The following KIF17 variants were observed in gnomAD, a reference collection of about 807,000 sequenced individuals.
KIF17 encodes kinesin family member 17.
A neutral mutation model predicts 96.8 loss-of-function variants in KIF17; 80 were observed. That is an observed-to-expected ratio of 0.83 (90% CI 0.69 to 1.00). The LOEUF (loss-of-function observed/expected upper bound fraction) is 1.00, where lower values mean the gene tolerates loss of function less well. Among genes scored for constraint, KIF17 ranks in the 50% least tolerant of loss-of-function variants. The probability of loss-of-function intolerance (pLI) is 0.00; values close to 1 mark genes in which losing one functional copy is unlikely to be tolerated. For missense variants in KIF17, 1,280 were observed against 1,372.9 expected (o/e 0.93, Z 1.07); for synonymous variants, 567 against 587.5 (o/e 0.97, Z 0.51).
At chr1:20,678,835 G>A (rs143491301) in intron 11 of KIF17, among the ~76,000 whole-genome samples, 13 of 152,176 alleles carry the variant, frequency 8.5e-5, no homozygotes, top group South Asian at 2.1e-4. Context: ...GTTAGTCTCC[G>A]GAAGGTGCTG....
chr1:20,679,323 T>G (rs1265837649), intron 11 of KIF17, among the ~76,000 whole-genome samples: 1 of 151,184 alleles, frequency 6.6e-6, no homozygotes, highest in Non-Finnish European at 1.5e-5. Context: ...ATAATAATAA[T>G]AAAAAAATTA....
At chr1:20,683,809 A>G (rs2053877416) in intron 10 of KIF17, among the ~76,000 whole-genome samples, 1 of 152,048 alleles carries the variant, frequency 6.6e-6, no homozygotes, top group Non-Finnish European at 1.5e-5. Context: ...ACGTCTCCAA[A>G]TGCCCGGGCC....
chr1:20,714,186 G>C (rs2054534948), intron 2 of KIF17, among the ~76,000 whole-genome samples: 1 of 152,222 alleles, frequency 6.6e-6, no homozygotes, highest in African/African-American at 2.4e-5. Flanking sequence ...AATTAGCCAG[G>C]CATGGTGGTG....
rs1434556974 is a variant in KIF17 at position 20,713,568 on chromosome 1, C to A, written c.379-13G>T. 1 of 1,600,612 alleles carries A rather than the reference C, an allele frequency of 6.2e-7. No individual in the cohort carries two copies. The highest frequency in any genetic ancestry group is 8.5e-7 in the Non-Finnish European group (1 of 1,170,358). On this transcript the variant is annotated splice_polypyrimidine_tract_variant and intron_variant, in intron 2 of 14. Transcript: ENST00000400463. ...TGTTCTCTGCACACTGCAGGGAGTA[C>A]ACAGAAAGAACCTAGACCTCAGAGC... is the stretch of plus-strand genomic sequence containing the variant.
Position 20,709,636 on chromosome 1 carries a change from T to A in KIF17, c.670+3A>T. 1 of 1,613,902 alleles carries A rather than the reference T, an allele frequency of 6.2e-7. No homozygotes were observed. The highest frequency in any genetic ancestry group is 8.5e-7 in the Non-Finnish European group (1 of 1,180,002). ...CCCTGCCCCCAACAATGGCCTCGCA[T>A]ACCCACGGCAGACATCTCGATGCTG... is the stretch of plus-strand genomic sequence containing the variant. On this transcript the variant is annotated splice_donor_region_variant and intron_variant, in intron 4 of 14. Transcript: ENST00000400463. The surrounding 1 kb of genome is among the most constrained non-coding windows in gnomAD (Gnocchi z 4.7).
At chr1:20,669,097 G>C (rs2053586160) in intron 13 of KIF17, among the ~76,000 whole-genome samples, 1 of 151,922 alleles carries the variant, frequency 6.6e-6, no homozygotes, top group African/African-American at 2.4e-5. Flanking sequence ...ATTGTTCATG[G>C]AGTTGTGTCA....
At chr1:20,714,881 A>G (rs996943065) in intron 2 of KIF17, among the ~76,000 whole-genome samples, 4 of 151,644 alleles carry the variant, frequency 2.6e-5, no homozygotes, top group Non-Finnish European at 5.9e-5. Flanking sequence ...GCAGCTCTCC[A>G]AGGCCCTACA....
chr1:20,692,409 C>T (rs2054055468), intron 6 of KIF17, among the ~76,000 whole-genome samples: 1 of 151,764 alleles, frequency 6.6e-6, no homozygotes, highest in South Asian at 2.1e-4. Flanking sequence ...GGCTCAATTT[C>T]AGCTCACTGC....
At position 20,685,422 on chromosome 1, in the gene KIF17, T is replaced by G; in HGVS notation, c.2020-402A>C. On this transcript the variant is annotated intron_variant, in intron 9 of 14. Transcript: ENST00000400463. This position sits in a 1 kb window ranked among gnomAD's most constrained non-coding sequence, Gnocchi z 4.1. ...CCTCCCCCGCCACCGTGGCCTCCTT[T>G]TCCATTGCTAAGAAAGTCAAGGTCT... The G allele has an allele frequency of 2.6e-6, 1 of 386,500 alleles. No homozygotes were observed. The highest frequency in any genetic ancestry group is 2.1e-5 in the African/African-American group (1 of 47,970). The allele number at this position is 386,500 out of a possible 1,614,324, so 23.9% of individuals were successfully genotyped here.
intron 2 of KIF17, 92 bp from the exon 3 acceptor site, chr1:20,713,647 A>G (rs2054523138): frequency 2.2e-6 from 2 of 916,606 alleles, no homozygotes; most frequent in South Asian, 2.8e-5. Flanking sequence ...CTCTGCCACC[A>G]GGACATCATG....
intron 6 of KIF17, among the ~76,000 whole-genome samples, chr1:20,696,192 C>G (rs931123681): frequency 6.6e-6 from 1 of 152,148 alleles, no homozygotes; most frequent in Admixed American, 6.5e-5. Context: ...GACCGGAACC[C>G]GGCTCCTGGC....
intron 6 of KIF17, among the ~76,000 whole-genome samples, chr1:20,697,195 C>T (rs1326481131): frequency 3.3e-5 from 5 of 152,208 alleles, no homozygotes; most frequent in African/African-American, 1.2e-4. Flanking sequence ...GAGGACGGAC[C>T]CCAGTGGGAG....
Position 20,665,165 on chromosome 1 carries a change from G to A in KIF17, c.2909-403C>T, listed in dbSNP as rs615730. ...GCACTCAATTAATCCTATTCCCCCCGCCCCACCCATTCTGTCTCTTAAATA... is the reference window on the plus strand; with the variant it reads ...GCACTCAATTAATCCTATTCCCCCCACCCCACCCATTCTGTCTCTTAAATA... On this transcript the variant is annotated intron_variant, in intron 14 of 14. Coordinates refer to ENST00000400463, the MANE Select transcript of KIF17 (RefSeq NM_001122819.3). Among the ~76,000 whole-genome samples, 358 of 63,798 alleles carry A rather than the reference G, an allele frequency of 5.6e-3. 9 individuals carry two copies. Among genetic ancestry groups the A allele is most frequent in the Admixed American group, 0.023 (132 of 5,858 alleles). 41.9% of individuals were successfully genotyped at this position (63,798 alleles called of 152,430 possible). A position where few individuals can be genotyped will look rare whatever the true frequency, so the allele number is the denominator to read the frequency against.
At chr1:20,667,224 C>A (rs2053545188) in intron 13 of KIF17, among the ~76,000 whole-genome samples, 1 of 152,164 alleles carries the variant, frequency 6.6e-6, no homozygotes, top group Non-Finnish European at 1.5e-5. Context: ...TGAGCTGCAC[C>A]TCTTGTCAGA....
chr1:20,674,798 A>T (rs2053709014), intron 11 of KIF17, among the ~76,000 whole-genome samples: 1 of 152,012 alleles, frequency 6.6e-6, no homozygotes, highest in African/African-American at 2.4e-5. Context: ...TTGTCCCCGC[A>T]CCATTTATTG....
chr1:20,672,125 G>A lies in KIF17; in HGVS notation c.2535C>T (p.Ala845=), dbSNP rs1262484518. 6 of 1,614,160 alleles carry A rather than the reference G, an allele frequency of 3.7e-6. No individual in the cohort carries two copies. The highest frequency in any genetic ancestry group is 2.7e-5 in the African/African-American group (2 of 75,048). ...AGTCACGCTCCTGCCGGCGGATGGT[G>A]GCCAAGTAATCGATCTTCTCCAGCT... ...EFQLEKIDYL[A]TIRRQERDSM... The change falls in exon 12 of 15, where the codon GCC becomes GCT. Residue 845 remains alanine, a synonymous_variant. Transcript: ENST00000400463. This position sits in a 1 kb window ranked among gnomAD's most constrained non-coding sequence, Gnocchi z 4.3.
intron 11 of KIF17, among the ~76,000 whole-genome samples, chr1:20,679,574 A>C (rs552781143): frequency 1.3e-5 from 2 of 152,340 alleles, no homozygotes; most frequent in South Asian, 4.1e-4. Flanking sequence ...AAGATGAGGC[A>C]GGAGTGGAGT....
chr1:20,688,038 T>G, intron 7 of KIF17, 94 bp from the exon 8 acceptor site: 1 of 1,145,398 alleles, frequency 8.7e-7, no homozygotes. Flanking sequence ...GTTGTTTTTT[T>G]TGTTTGTTTT....
At chr1:20,674,897 C>A (rs1207558398) in intron 11 of KIF17, among the ~76,000 whole-genome samples, 1 of 152,136 alleles carries the variant, frequency 6.6e-6, no homozygotes, top group Admixed American at 6.5e-5. Flanking sequence ...CTCCTGTAAT[C>A]CCAGCACTTT....
Sources: allele counts gnomAD v4.1 joint callset (sites outside exome capture counted in the v4.1 genomes callset), GRCh38; gene constraint gnomAD v4.1.1; non-coding constraint Gnocchi (gnomAD v3.1); transcripts MANE v1.5; gene names NCBI Gene and HGNC (gene_info 2026-07-23, HGNC 2026-07-21).